Variants in PDLIM3 observed in about 807,000 individuals in gnomAD.
The protein encoded by PDLIM3 is PDZ and LIM domain 3.
A neutral mutation model predicts 37.3 loss-of-function variants in PDLIM3; 36 were observed. That is an observed-to-expected ratio of 0.97 (90% confidence interval 0.74 to 1.28). PDLIM3 has a LOEUF of 1.28. Ranked by LOEUF, PDLIM3 falls within the 50% of genes most tolerant of loss-of-function variation. The probability of loss-of-function intolerance (pLI) is 0.00; values close to 1 mark genes in which losing one functional copy is unlikely to be tolerated. For synonymous variants in PDLIM3, 174 were observed against 182.4 expected (o/e 0.95, Z 0.37); for missense variants, 454 against 485.0 (o/e 0.94, Z 0.60).
intron 2 of PDLIM3, among the ~76,000 whole-genome samples, chr4:185,523,792 T>C (rs1167949062): frequency 6.6e-6 from 1 of 151,866 alleles, no homozygotes; most frequent in Non-Finnish European, 1.5e-5. Context: ...CTAATTTTTG[T>C]ATTTTTAGTA....
chr4:185,530,580 C>T (rs2095742226), intron 1 of PDLIM3, among the ~76,000 whole-genome samples: 1 of 152,120 alleles, frequency 6.6e-6, no homozygotes, highest in Non-Finnish European at 1.5e-5. Context: ...AGAAGCTTGC[C>T]CTGTACACTA....
At position 185,514,964 on chromosome 4, in the gene PDLIM3, C is replaced by A; in HGVS notation, c.331-627G>T. 8.4e-7 allele frequency: 1 copy of A among 1,191,032 alleles called. No homozygotes were observed. The highest frequency in any genetic ancestry group is 1.6e-5 in the South Asian group (1 of 62,980). The allele number at this position is 1,191,032 out of a possible 1,614,324, so 73.8% of individuals were successfully genotyped here. Reference sequence around the variant, plus strand: ...CATTAGTGAGCGAAACCAACAGCATCACTACTGTTAATAAAGGCATCTTTA... The same window carrying A: ...CATTAGTGAGCGAAACCAACAGCATAACTACTGTTAATAAAGGCATCTTTA... On this transcript the variant is annotated intron_variant, in intron 3 of 7. Transcript: ENST00000284767. This position sits in a 1 kb window ranked among gnomAD's most constrained non-coding sequence, Gnocchi z 4.0.
At chr4:185,511,461 A>G (rs1201431941) in intron 4 of PDLIM3, among the ~76,000 whole-genome samples, 1 of 151,942 alleles carries the variant, frequency 6.6e-6, no homozygotes, top group Admixed American at 6.6e-5. Context: ...TCCAGCTTCA[A>G]GTGATTCTCA....
intron 6 of PDLIM3, among the ~76,000 whole-genome samples, chr4:185,505,220 G>A (rs2095694696): frequency 1.3e-5 from 2 of 152,176 alleles, no homozygotes. Context: ...TAATTTCTTT[G>A]AAGACTGAAT....
chr4:185,528,396 T>A (rs1400280159), intron 1 of PDLIM3, among the ~76,000 whole-genome samples: 2 of 152,238 alleles, frequency 1.3e-5, no homozygotes, highest in African/African-American at 4.8e-5. Flanking sequence ...CTATTGGATA[T>A]CTAAGTTGAA....
rs1354768390 is a variant in PDLIM3 at position 185,504,864 on chromosome 4, C to T, written c.794-278G>A. ...TTATTTTTTATTGTAGCAAAATATA[C>T]ATAAAATTTACCATTTTCACCATGG... On this transcript the variant is annotated intron_variant, in intron 6 of 7. Transcript: ENST00000284767. This position sits in a 1 kb window ranked among gnomAD's most constrained non-coding sequence, Gnocchi z 4.7. Among the ~76,000 whole-genome samples, 1 of 152,192 alleles carries T rather than the reference C, an allele frequency of 6.6e-6. No individual in the cohort carries two copies. Among genetic ancestry groups the T allele is most frequent in the Non-Finnish European group, 1.5e-5 (1 of 68,034 alleles).
rs1387503818 is a variant in PDLIM3, at chr4:185,502,110, T to C, written c.*184A>G. 1.1e-5 allele frequency: 7 copies of C among 662,648 alleles called. No homozygotes were observed. The highest frequency in any genetic ancestry group is 1.6e-5 in the Non-Finnish European group (6 of 374,296). 41.0% of individuals were successfully genotyped at this position (662,648 alleles called of 1,614,324 possible). A position where few individuals can be genotyped will look rare whatever the true frequency, so the allele number is the denominator to read the frequency against. On this transcript the variant is annotated 3_prime_UTR_variant, in exon 8 of 8. Coordinates refer to ENST00000284767, the MANE Select transcript of PDLIM3 (RefSeq NM_014476.6). ...CAAAACATAGCTAAGTGTATGTTTTTTTCACATAGCAGGCATTTGCCTCCC... is the reference window on the plus strand; with the variant it reads ...CAAAACATAGCTAAGTGTATGTTTTCTTCACATAGCAGGCATTTGCCTCCC...
intron 3 of PDLIM3, 128 bp downstream of exon 3, chr4:185,523,234 G>T: frequency 1.5e-6 from 1 of 668,876 alleles, no homozygotes; most frequent in Non-Finnish European, 2.7e-6. Context: ...ATCTCGGAGA[G>T]GAATGACAGA....
At chr4:185,506,790 C>T (rs2153332457) in intron 5 of PDLIM3, 138 bp from the exon 6 acceptor site, 2 of 728,814 alleles carry the variant, frequency 2.7e-6, no homozygotes, top group Non-Finnish European at 4.6e-6. Context: ...TCAAGTGAAT[C>T]TCTAGTATAG....
chr4:185,508,645 AGAG>A, intron 4 of PDLIM3, 83 bp from the exon 5 acceptor site: 1 of 1,402,624 alleles, frequency 7.1e-7, no homozygotes, highest in Non-Finnish European at 1.0e-6. Flanking sequence ...ACACGTACAG[AGAG>A]GTTAAAAGGA....
chr4:185,500,895 A>T lies in PDLIM3; in HGVS notation c.*1399T>A. 1 of 152,512 alleles carries T rather than the reference A, an allele frequency of 6.6e-6. No homozygotes were observed. The highest frequency in any genetic ancestry group is 1.9e-4 in the East Asian group (1 of 5,198). The allele number at this position is 152,512 out of a possible 1,614,324, so 9.4% of individuals were successfully genotyped here. A position where few individuals can be genotyped will look rare whatever the true frequency, so the allele number is the denominator to read the frequency against. ...GAGGAGAACACTTGTTTCAGGCCAG[A>T]AGTTAGCAGCTGTGGGGGTTGAGGG... is the stretch of plus-strand genomic sequence containing the variant. On this transcript the variant is annotated 3_prime_UTR_variant, in exon 8 of 8. Transcript: ENST00000284767.
intron 2 of PDLIM3, among the ~76,000 whole-genome samples, 193 bp from the exon 3 acceptor site, chr4:185,523,639 A>G (rs994112108): frequency 1.1e-5 from 1 of 91,352 alleles, no homozygotes; most frequent in African/African-American, 3.4e-5. Context: ...TTTTTCTTTT[A>G]ATGTTGTCTC....
intron 1 of PDLIM3, among the ~76,000 whole-genome samples, chr4:185,525,629 T>G (rs2095732497): frequency 6.6e-6 from 1 of 152,294 alleles, no homozygotes; most frequent in Non-Finnish European, 1.5e-5. Flanking sequence ...ATGGACTTTT[T>G]ATCTCCCCCC....
chr4:185,506,543 C>T lies in PDLIM3; in HGVS notation c.772G>A (p.Gly258Arg), dbSNP rs751026139. The T allele has an allele frequency of 5.0e-6, 8 of 1,613,794 alleles. No homozygotes were observed. The highest frequency in any genetic ancestry group is 2.2e-5 in the South Asian group (2 of 91,084). ...TCACCAGAGCCATCGTCCACCATTC[C>T]CTGGAGCACTCTGAAGGAGCCCGAC... ...RQSGSFRVLQ[G>R]MVDDGSDDRP... The change falls in exon 6 of 8, where the codon GGA becomes AGA. Residue 258 changes from glycine (G) to arginine (R), a missense_variant. Coordinates refer to ENST00000284767, the MANE Select transcript of PDLIM3 (RefSeq NM_014476.6).
At chr4:185,506,436 T>C in intron 6 of PDLIM3, 86 bp downstream of exon 6, 2 of 1,555,254 alleles carry the variant, frequency 1.3e-6, no homozygotes, top group South Asian at 2.2e-5. Context: ...TAGACTTTCA[T>C]TCCCAGTATG....
chr4:185,528,201 A>G (rs548951227), intron 1 of PDLIM3, among the ~76,000 whole-genome samples: 1 of 152,386 alleles, frequency 6.6e-6, no homozygotes, highest in South Asian at 2.1e-4. Flanking sequence ...CTGATTTGGA[A>G]AAGTCTAACT....
chr4:185,501,090 T>C lies in PDLIM3; in HGVS notation c.*1204A>G, dbSNP rs1166716373. ...GAGATGCAAGTCAGGAGCATTGCCA[T>C]GGGCACCCTGGGTGAGAGGCAAGGT... On this transcript the variant is annotated 3_prime_UTR_variant, in exon 8 of 8. Coordinates refer to ENST00000284767, the MANE Select transcript of PDLIM3 (RefSeq NM_014476.6). 1.3e-5 allele frequency: 2 copies of C among 152,270 alleles called. No homozygotes were observed. Among genetic ancestry groups the C allele is most frequent in the South Asian group, 2.1e-4 (1 of 4,830 alleles). The allele number at this position is 152,270 out of a possible 1,614,324, so 9.4% of individuals were successfully genotyped here.
chr4:185,528,937 A>G (rs1381372428), intron 1 of PDLIM3, among the ~76,000 whole-genome samples: 3 of 152,154 alleles, frequency 2.0e-5, no homozygotes, highest in Non-Finnish European at 4.4e-5. Context: ...GCATTATTAT[A>G]TTCTTTCCTT....
chr4:185,529,123 T>C (rs1305239395), intron 1 of PDLIM3, among the ~76,000 whole-genome samples: 1 of 152,138 alleles, frequency 6.6e-6, no homozygotes, highest in African/African-American at 2.4e-5. Context: ...GTGAATCACT[T>C]AGCACCATGT....
Sources: gnomAD v4.1 joint callset for allele counts (sites outside exome capture counted in the v4.1 genomes callset) on GRCh38, gnomAD v4.1.1 for gene constraint, Gnocchi (gnomAD v3.1) non-coding constraint, MANE v1.5 for transcripts, NCBI Gene and HGNC (gene_info 2026-07-23, HGNC 2026-07-21) for gene names.